The following PIK3R6 variants were observed in gnomAD, a reference collection of about 807,000 sequenced individuals.
PIK3R6 encodes phosphoinositide-3-kinase regulatory subunit 6.
A neutral mutation model predicts 84.9 loss-of-function variants in PIK3R6; 91 were observed. The ratio of observed to expected loss-of-function variants is 1.07; its 90% CI spans 0.90 to 1.28. The LOEUF is 1.28. Among genes scored for constraint, PIK3R6 ranks in the 50% most tolerant of loss-of-function variants. The pLI is 0.00. For missense variants in PIK3R6, 996 were observed against 985.1 expected, an observed-to-expected ratio of 1.01 and a Z score of -0.15; for synonymous variants, 416 against 411.4, an observed-to-expected ratio of 1.01 and a Z score of -0.13.
At chr17:8,813,757 T>C (rs984072026) in intron 18 of PIK3R6, among the ~76,000 whole-genome samples, 2 of 151,678 alleles carry the variant, frequency 1.3e-5, no homozygotes. Context: ...GGAACATATC[T>C]CAAAATAATA....
At chr17:8,847,213 T>C (rs1354544737) in intron 2 of PIK3R6, among the ~76,000 whole-genome samples, 1 of 152,126 alleles carries the variant, frequency 6.6e-6, no homozygotes, top group Non-Finnish European at 1.5e-5. Context: ...TTGTCACATA[T>C]TGCCTCTCCA....
At chr17:8,850,447 C>G (rs1381582285) in intron 1 of PIK3R6, among the ~76,000 whole-genome samples, 1 of 152,160 alleles carries the variant, frequency 6.6e-6, no homozygotes, top group Non-Finnish European at 1.5e-5. Context: ...TCCCCCCTCC[C>G]CAGTTCTGCA....
intron 9 of PIK3R6, among the ~76,000 whole-genome samples, chr17:8,831,903 A>C (rs1045333008): frequency 7.2e-5 from 11 of 152,190 alleles, no homozygotes; most frequent in Non-Finnish European, 1.6e-4. Flanking sequence ...CCCCATCCAC[A>C]TGGGGCTTGT....
At chr17:8,826,301 C>A (rs1021982472) in intron 13 of PIK3R6, among the ~76,000 whole-genome samples, 10 of 152,190 alleles carry the variant, frequency 6.6e-5, no homozygotes, top group African/African-American at 2.4e-4. Flanking sequence ...AAAAATGATT[C>A]ATTCCACTAT....
chr17:8,859,382 C>T (rs1239312641), intron 1 of PIK3R6, among the ~76,000 whole-genome samples: 2 of 152,194 alleles, frequency 1.3e-5, no homozygotes, highest in African/African-American at 4.8e-5. Context: ...CTGGAACAGA[C>T]GTCACACACC....
Position 8,828,826 on chromosome 17 carries a change from C to T in PIK3R6, c.1054G>A (p.Glu352Lys). ...TCAGGGCTGCCGGGTGCAGGCAGCT[C>T]ATCAGCCCCCGTGGGAAGGTCCCGC... is the stretch of plus-strand genomic sequence containing the variant. ...IERDLPTGAD[E>K]LPAPGSPEME... The change falls in exon 11 of 20, where the codon GAG becomes AAG. Residue 352 changes from glutamate (E) to lysine (K), a missense_variant. Transcript: ENST00000619866. 1.9e-6 allele frequency: 3 copies of T among 1,593,126 alleles called. No individual in the cohort carries two copies. Among genetic ancestry groups the T allele is most frequent in the Non-Finnish European group, 8.6e-7 (1 of 1,168,700 alleles).
At chr17:8,857,449 C>T (rs2089168420) in intron 1 of PIK3R6, among the ~76,000 whole-genome samples, 1 of 143,574 alleles carries the variant, frequency 7.0e-6, no homozygotes, top group Non-Finnish European at 1.6e-5. Flanking sequence ...CCTCTGTAAA[C>T]CTCACAGAAC....
Position 8,829,676 on chromosome 17 carries a change from CTG to C in PIK3R6, c.889+28_889+29del, listed in dbSNP as rs1048580328. 7.1e-6 allele frequency: 11 copies of C among 1,540,374 alleles called. No homozygotes were observed. The East Asian group carries it at 7.3e-5, about 10-fold the overall frequency. Reference sequence around the variant, plus strand: ...CACACACAGACACAGACATATACCACTGTTTCCAGACAGCTCCATGGGCACGT... The same window carrying C: ...CACACACAGACACAGACATATACCACTTTCCAGACAGCTCCATGGGCACGT... On this transcript the variant is annotated intron_variant, in intron 10 of 19. Transcript: ENST00000619866.
At chr17:8,834,233 G>A (rs1489529609) in intron 8 of PIK3R6, among the ~76,000 whole-genome samples, 3 of 151,200 alleles carry the variant, frequency 2.0e-5, no homozygotes, top group East Asian at 2.0e-4. Flanking sequence ...AGTAGCCAGC[G>A]CAAAGGCCCT....
Position 8,836,618 on chromosome 17 carries a change from T to G in PIK3R6, c.392-2A>C. ...TGACCATCCTTTGGTACAGTGTCCC[T>G]GCAAACCAGACCACTTTGGCCAAAC... is the stretch of plus-strand genomic sequence containing the variant. On this transcript the variant is annotated splice_acceptor_variant, in intron 6 of 19. Transcript: ENST00000619866. LOFTEE classifies it high-confidence loss of function. The G allele has an allele frequency of 3.1e-6, 5 of 1,614,002 alleles. No individual in the cohort carries two copies. Among genetic ancestry groups the G allele is most frequent in the Non-Finnish European group, 4.2e-6 (5 of 1,179,906 alleles).
chr17:8,826,425 C>T (rs969754507), intron 13 of PIK3R6, among the ~76,000 whole-genome samples: 1 of 152,144 alleles, frequency 6.6e-6, no homozygotes, highest in Non-Finnish European at 1.5e-5. Flanking sequence ...GGCACATATA[C>T]ACCATGGAAT....
chr17:8,838,084 C>A (rs900545877), intron 4 of PIK3R6, among the ~76,000 whole-genome samples: 26 of 152,064 alleles, frequency 1.7e-4, no homozygotes, highest in African/African-American at 5.8e-4. Context: ...CGTGGGGGGG[C>A]CTCAGAGAAC....
intron 1 of PIK3R6, among the ~76,000 whole-genome samples, chr17:8,850,545 C>T (rs574132518): frequency 9.2e-5 from 14 of 152,230 alleles, no homozygotes; most frequent in African/African-American, 2.9e-4. Context: ...GAACTCAGAC[C>T]GTCTGGCTCT....
intron 18 of PIK3R6, among the ~76,000 whole-genome samples, chr17:8,814,308 C>T (rs1403884306): frequency 6.7e-6 from 1 of 149,958 alleles, no homozygotes; most frequent in Non-Finnish European, 1.5e-5. Context: ...CAACCTCCGC[C>T]TCCCAGATTC....
Position 8,828,720 on chromosome 17 carries a change from C to T in PIK3R6, c.1160G>A (p.Trp387Ter). 6.2e-7 allele frequency: 1 copy of T among 1,609,634 alleles called. No homozygotes were observed. The highest frequency in any genetic ancestry group is 8.5e-7 in the Non-Finnish European group (1 of 1,178,002). Residue 387 changes from tryptophan (W) to a stop codon, truncating the protein, a stop_gained, in exon 11 of 20, where the codon TGG (tryptophan) becomes TAG (stop). Transcript: ENST00000619866. LOFTEE classifies it high-confidence loss of function. ...WPLDFLMPGS[W>*]DGPPGLHRRT... ...CCGGTGCAGCCCTGGGGGCCCGTCC[C>T]AGCTGCCAGGCATCAAGAAGTCCAG... is the stretch of plus-strand genomic sequence containing the variant.
intron 1 of PIK3R6, among the ~76,000 whole-genome samples, chr17:8,865,642 G>A (rs1487278542): frequency 6.6e-6 from 1 of 150,988 alleles, no homozygotes; most frequent in Non-Finnish European, 1.5e-5. Context: ...CGTGTGGTGA[G>A]TGAGCTGGCA....
chr17:8,821,795 G>T (rs2087740497), intron 17 of PIK3R6, 51 bp downstream of exon 17: 1 of 1,517,606 alleles, frequency 6.6e-7, no homozygotes, highest in Non-Finnish European at 9.0e-7. Flanking sequence ...CCCCAGCATT[G>T]CCCTTCTCAT....
chr17:8,832,898 G>A lies in PIK3R6; in HGVS notation c.793C>T (p.Arg265Cys), dbSNP rs745546429. 4.3e-6 allele frequency: 7 copies of A among 1,612,564 alleles called. No homozygotes were observed. The highest frequency in any genetic ancestry group is 2.2e-5 in the East Asian group (1 of 44,866). Residue 265 changes from arginine to cysteine, a missense_variant, in exon 9 of 20, where the codon CGC (arginine) becomes TGC (cysteine). Transcript: ENST00000619866. ...YCSLLGPAAG[R>C]CGGDLVQERP... ...TCTGCCAGTCGCTTACCACCGCAGCGCCCCGCCGCGGGACCCAGCAGCGAG... is the reference window on the plus strand; with the variant it reads ...TCTGCCAGTCGCTTACCACCGCAGCACCCCGCCGCGGGACCCAGCAGCGAG...
chr17:8,858,482 A>G lies in PIK3R6; in HGVS notation c.-91-8597T>C, dbSNP rs188047435. ...CAGGCACCCGCCGCCACCCCTGGCT[A>G]ATTTTTGTATTTTTAGTAGAGACAG... On this transcript the variant is annotated intron_variant, in intron 1 of 19. Coordinates refer to ENST00000619866, the MANE Select transcript of PIK3R6 (RefSeq NM_001010855.4). Among the ~76,000 whole-genome samples, 21 of 151,824 alleles carry G rather than the reference A, an allele frequency of 1.4e-4. No homozygotes were observed. In the East Asian group the frequency reaches 2.9e-3, roughly 21 times the overall value.
Sources: allele counts gnomAD v4.1 joint callset (sites outside exome capture counted in the v4.1 genomes callset), GRCh38; gene constraint gnomAD v4.1.1; transcripts MANE v1.5; gene names NCBI Gene and HGNC (gene_info 2026-07-23, HGNC 2026-07-21).